Variants in PRKCA observed in about 807,000 individuals in gnomAD.
The protein encoded by PRKCA is protein kinase C alpha.
Under a neutral mutation model 87.0 loss-of-function variants are expected in PRKCA, and 27 were observed. The observed-to-expected ratio is 0.31, with a 90% confidence interval of 0.23 to 0.43. The LOEUF (loss-of-function observed/expected upper bound fraction) is 0.43. Ranked by LOEUF, PRKCA falls within the 20% of genes least tolerant of loss-of-function variation. The pLI is 1.00. For missense variants in PRKCA, 518 were observed against 852.3 expected (o/e 0.61, Z 4.88); for synonymous variants, 329 against 311.1 (o/e 1.06, Z -0.61).
chr17:66,375,067 CT>C (rs11357901), intron 2 of PRKCA, among the ~76,000 whole-genome samples: 148,667 of 152,116 alleles, frequency 0.98, 72,676 homozygotes, highest in East Asian at 1. Context: ...AATCTTTATC[CT>C]TTCTGCATGG....
At chr17:66,499,356 T>G (rs1916623125) in intron 3 of PRKCA, among the ~76,000 whole-genome samples, 1 of 152,100 alleles carries the variant, frequency 6.6e-6, no homozygotes, top group Admixed American at 6.5e-5. Flanking sequence ...AATGATTTCC[T>G]AAGGGGCTAT....
At chr17:66,336,754 T>TTGTGTGTGTGTGTGTG (rs148842588) in intron 2 of PRKCA, among the ~76,000 whole-genome samples, 4 of 133,736 alleles carry the variant, frequency 3.0e-5, no homozygotes, top group African/African-American at 8.2e-5. Context: ...GCAAATAAGT[T>TTGTGTGTGTGTGTGTG]TGTGTGTGTG....
intron 5 of PRKCA, among the ~76,000 whole-genome samples, chr17:66,647,027 G>A (rs142769747): frequency 9.9e-5 from 15 of 152,278 alleles, no homozygotes; most frequent in African/African-American, 3.6e-4. Flanking sequence ...GGCTGATGCT[G>A]TCCTTGGAAT....
intron 13 of PRKCA, among the ~76,000 whole-genome samples, chr17:66,754,502 C>T (rs1036589028): frequency 5.3e-5 from 8 of 152,262 alleles, no homozygotes; most frequent in African/African-American, 9.6e-5. Context: ...AACGAGGGTA[C>T]GACCTAGCAC....
intron 2 of PRKCA, among the ~76,000 whole-genome samples, chr17:66,494,721 A>C (rs1355074443): frequency 2.6e-5 from 4 of 152,188 alleles, no homozygotes; most frequent in Admixed American, 2.6e-4. Context: ...GTAGTAGATG[A>C]TGCCTTTTTG....
At chr17:66,723,981 A>G (rs1178645483) in intron 8 of PRKCA, among the ~76,000 whole-genome samples, 2 of 152,180 alleles carry the variant, frequency 1.3e-5, no homozygotes, top group East Asian at 1.9e-4. Context: ...GAGACGAGTG[A>G]ATTTGACAGG....
chr17:66,623,133 T>G (rs1970739485), intron 3 of PRKCA, among the ~76,000 whole-genome samples: 1 of 152,256 alleles, frequency 6.6e-6, no homozygotes, highest in Non-Finnish European at 1.5e-5. Context: ...TGCTCCTTCT[T>G]TGTACCAGAA....
intron 3 of PRKCA, among the ~76,000 whole-genome samples, chr17:66,512,042 G>A (rs937930776): frequency 1.3e-5 from 2 of 152,044 alleles, no homozygotes; most frequent in East Asian, 1.9e-4. Flanking sequence ...GCACAGTAGC[G>A]CCTCTGAAGA....
At chr17:66,763,129 A>G (rs754430582) in intron 13 of PRKCA, among the ~76,000 whole-genome samples, 3 of 152,212 alleles carry the variant, frequency 2.0e-5, no homozygotes, top group African/African-American at 7.2e-5. Context: ...AGACTTAGCA[A>G]TCCAGCAATT....
chr17:66,565,793 G>T (rs189201607), intron 3 of PRKCA, among the ~76,000 whole-genome samples: 18 of 151,946 alleles, frequency 1.2e-4, no homozygotes, highest in Non-Finnish European at 1.8e-4. Context: ...GAAACACTTG[G>T]AACCTGTTTA....
At chr17:66,604,655 A>C (rs1248197494) in intron 3 of PRKCA, among the ~76,000 whole-genome samples, 1 of 152,206 alleles carries the variant, frequency 6.6e-6, no homozygotes, top group South Asian at 2.1e-4. Flanking sequence ...TAGTGCTGCA[A>C]AAAGATTAGT....
At chr17:66,638,810 T>C (rs1971214462) in intron 3 of PRKCA, among the ~76,000 whole-genome samples, 1 of 151,912 alleles carries the variant, frequency 6.6e-6, no homozygotes, top group South Asian at 2.1e-4. Context: ...ATCGTGCCAC[T>C]GCACTCTAGC....
intron 3 of PRKCA, among the ~76,000 whole-genome samples, chr17:66,523,354 G>A (rs529595940): frequency 6.6e-6 from 1 of 152,262 alleles, no homozygotes; most frequent in South Asian, 2.1e-4. Flanking sequence ...GAGTCAAATA[G>A]CACTTGGGTT....
chr17:66,535,010 A>G (rs1967722267), intron 3 of PRKCA, among the ~76,000 whole-genome samples: 1 of 152,234 alleles, frequency 6.6e-6, no homozygotes, highest in African/African-American at 2.4e-5. Flanking sequence ...GTTAGCATTT[A>G]CCCTGTGTGT....
chr17:66,702,562 C>G (rs1479538053), intron 8 of PRKCA, among the ~76,000 whole-genome samples: 1 of 152,052 alleles, frequency 6.6e-6, no homozygotes, highest in Non-Finnish European at 1.5e-5. Flanking sequence ...CTGAGTAGAT[C>G]TTAAAGATTC....
chr17:66,306,312 G>T, intron 2 of PRKCA, 185 bp downstream of exon 2: 1 of 406,666 alleles, frequency 2.5e-6, no homozygotes, highest in Non-Finnish European at 4.2e-6. Flanking sequence ...ATATAGAGCT[G>T]CCTTTTTCTC....
intron 3 of PRKCA, among the ~76,000 whole-genome samples, chr17:66,545,254 C>T (rs976915768): frequency 6.6e-6 from 1 of 152,028 alleles, no homozygotes; most frequent in Non-Finnish European, 1.5e-5. Context: ...CGGTGAAACC[C>T]CGCCTCTACT....
chr17:66,392,587 G>A (rs1448824528), intron 2 of PRKCA, among the ~76,000 whole-genome samples: 1 of 152,058 alleles, frequency 6.6e-6, no homozygotes, highest in African/African-American at 2.4e-5. Context: ...AATTTTGCTT[G>A]CATTTACTAG....
At chr17:66,561,818 A>G (rs914372986) in intron 3 of PRKCA, among the ~76,000 whole-genome samples, 1 of 152,002 alleles carries the variant, frequency 6.6e-6, no homozygotes, top group African/African-American at 2.4e-5. Context: ...AAAAGGACAG[A>G]TATTAAACGA....
Sources: gnomAD v4.1 joint callset for allele counts (sites outside exome capture counted in the v4.1 genomes callset) on GRCh38, gnomAD v4.1.1 for gene constraint, MANE v1.5 for transcripts, NCBI Gene and HGNC (gene_info 2026-07-23, HGNC 2026-07-21) for gene names.